Variants in DGCR2 observed in about 807,000 individuals in gnomAD.
DGCR2 encodes the protein DiGeorge syndrome critical region gene 2.
A neutral mutation model predicts 51.6 loss-of-function variants in DGCR2; 24 were observed. That is an observed-to-expected ratio of 0.47 (90% CI 0.34 to 0.65). DGCR2 has a LOEUF of 0.65. Ranked by LOEUF, DGCR2 falls within the 30% of genes least tolerant of loss-of-function variation. The pLI, the probability that DGCR2 is intolerant of heterozygous loss-of-function variation, is 0.01. For synonymous variants in DGCR2, 340 were observed against 315.4 expected, an observed-to-expected ratio of 1.08 and a Z score of -0.82; for missense variants, 765 against 772.1, an observed-to-expected ratio of 0.99 and a Z score of 0.11.
intron 2 of DGCR2, among the ~76,000 whole-genome samples, chr22:19,083,987 G>A (rs1163049688): frequency 1.3e-5 from 2 of 152,192 alleles, no homozygotes; most frequent in African/African-American, 2.4e-5. Context: ...CTCCCGAGGT[G>A]CCGGGATTGC....
chr22:19,038,534 T>C lies in DGCR2; in HGVS notation c.*331A>G. Reference sequence around the variant, plus strand: ...GTAAGCCCACCAAAAACGCATCAGGTGTGGCCATGGCCCACAGTACCTTCT... The same window carrying C: ...GTAAGCCCACCAAAAACGCATCAGGCGTGGCCATGGCCCACAGTACCTTCT... On this transcript the variant is annotated 3_prime_UTR_variant, in exon 10 of 10. Transcript: ENST00000263196. 1 of 338,042 alleles carries C rather than the reference T, an allele frequency of 3.0e-6. No homozygotes were observed. Among genetic ancestry groups the C allele is most frequent in the Non-Finnish European group, 5.5e-6 (1 of 183,316 alleles). The allele number at this position is 338,042 out of a possible 1,614,324, so 20.9% of individuals were successfully genotyped here.
chr22:19,079,975 G>A (rs994122879), intron 2 of DGCR2, among the ~76,000 whole-genome samples: 1 of 152,228 alleles, frequency 6.6e-6, no homozygotes, highest in Non-Finnish European at 1.5e-5. Flanking sequence ...GAGCCTAGTG[G>A]GCTAGACGCT....
chr22:19,106,541 C>T (rs2083262999), intron 1 of DGCR2, among the ~76,000 whole-genome samples: 1 of 152,184 alleles, frequency 6.6e-6, no homozygotes, highest in African/African-American at 2.4e-5. Context: ...GCCCAGAGGC[C>T]AGCCGGCTCC....
intron 2 of DGCR2, among the ~76,000 whole-genome samples, chr22:19,083,706 C>CCCGTCT (rs1555907888): frequency 9.4e-6 from 1 of 106,616 alleles, no homozygotes; most frequent in African/African-American, 4.3e-5. Flanking sequence ...CCTCCCCCTC[C>CCCGTCT]CCCTCTCCCT....
At chr22:19,121,761 G>T (rs763978951) in intron 1 of DGCR2, 3 of 169,694 alleles carry the variant, frequency 1.8e-5, no homozygotes, top group East Asian at 1.6e-4. Flanking sequence ...GCTGGCACTA[G>T]GCCACTGCTG....
chr22:19,060,050 C>A (rs572197905), intron 5 of DGCR2, among the ~76,000 whole-genome samples: 2 of 152,324 alleles, frequency 1.3e-5, no homozygotes, highest in East Asian at 1.9e-4. Flanking sequence ...AATGCCCCAC[C>A]ACGGTGGCAG....
At chr22:19,062,786 C>CTG (rs1569052871) in intron 5 of DGCR2, among the ~76,000 whole-genome samples, 4 of 141,864 alleles carry the variant, frequency 2.8e-5, no homozygotes, top group Admixed American at 1.4e-4. Flanking sequence ...CTCACTCTCT[C>CTG]TCTCTCTCTC....
At chr22:19,065,939 G>C (rs557919382) in intron 3 of DGCR2, 1 of 144,832 alleles carries the variant, frequency 6.9e-6, no homozygotes, top group Non-Finnish European at 1.5e-5. Context: ...GTATCCCCAT[G>C]TATTTATTAT....
intron 2 of DGCR2, among the ~76,000 whole-genome samples, chr22:19,082,212 CTAAT>C (rs1203791155): frequency 1.5e-5 from 2 of 136,504 alleles, no homozygotes; most frequent in Admixed American, 7.7e-5. Context: ...CCACATCTGG[CTAAT>C]TATTTCTTTT....
In DGCR2 at chr22:19,057,046, CGTG is replaced by C. The variant is rs1569047167; in HGVS notation, c.739_741del (p.His247del). 6.3e-7 allele frequency: 1 copy of C among 1,597,664 alleles called. No homozygotes were observed. Among genetic ancestry groups the C allele is most frequent in the South Asian group, 1.1e-5 (1 of 88,130 alleles). On this transcript the variant is annotated inframe_deletion, in exon 6 of 10. Transcript: ENST00000263196. The surrounding 1 kb of genome is among the most constrained non-coding windows in gnomAD (Gnocchi z 5.1). The stretch of plus-strand genomic sequence containing the variant: ...CTCTCGGCGTGCCAGCTGTGGAGGT[CGTG>C]GTGCCGCAGGGTGGGGAAATGGAAG...
chr22:19,111,212 G>A (rs2083310877), intron 1 of DGCR2, among the ~76,000 whole-genome samples: 1 of 152,142 alleles, frequency 6.6e-6, no homozygotes, highest in Non-Finnish European at 1.5e-5. Context: ...CACAGAGGGT[G>A]GTCACCAGCT....
chr22:19,108,193 CAGAA>C (rs1267398365), intron 1 of DGCR2, among the ~76,000 whole-genome samples: 2 of 152,088 alleles, frequency 1.3e-5, no homozygotes, highest in African/African-American at 4.8e-5. Flanking sequence ...TAGACAAAAA[CAGAA>C]AGCATGACCA....
chr22:19,079,481 T>C (rs1189886840), intron 2 of DGCR2, among the ~76,000 whole-genome samples: 2 of 152,226 alleles, frequency 1.3e-5, no homozygotes, highest in Non-Finnish European at 2.9e-5. Context: ...TGCTTATTAA[T>C]GTTTTCTATG....
At chr22:19,060,860 T>C (rs2082654176) in intron 5 of DGCR2, 4 of 516,060 alleles carry the variant, frequency 7.8e-6, no homozygotes, top group South Asian at 5.6e-5. Flanking sequence ...ACAGGAACCC[T>C]GCGGAAACGA....
At chr22:19,118,485 C>T (rs1165615927) in intron 1 of DGCR2, among the ~76,000 whole-genome samples, 1 of 151,762 alleles carries the variant, frequency 6.6e-6, no homozygotes. Flanking sequence ...CTACTGAAAG[C>T]AAAAGAGAAA....
chr22:19,107,313 G>A (rs1035975542), intron 1 of DGCR2, among the ~76,000 whole-genome samples: 2 of 152,190 alleles, frequency 1.3e-5, no homozygotes, highest in African/African-American at 2.4e-5. Flanking sequence ...GTTGCCAAGC[G>A]CTAGGGGAGT....
intron 5 of DGCR2, among the ~76,000 whole-genome samples, chr22:19,060,050 C>G (rs572197905): frequency 6.6e-6 from 1 of 152,206 alleles, no homozygotes; most frequent in Non-Finnish European, 1.5e-5. Context: ...AATGCCCCAC[C>G]ACGGTGGCAG....
chr22:19,088,039 T>C (rs770990603), intron 2 of DGCR2, among the ~76,000 whole-genome samples: 2 of 152,198 alleles, frequency 1.3e-5, no homozygotes, highest in Non-Finnish European at 2.9e-5. Flanking sequence ...CTGCTTCTTA[T>C]TTTGGAACCC....
chr22:19,109,835 T>C (rs2083296061), intron 1 of DGCR2, among the ~76,000 whole-genome samples: 1 of 152,128 alleles, frequency 6.6e-6, no homozygotes, highest in Non-Finnish European at 1.5e-5. Flanking sequence ...GAAAAGCACA[T>C]ATAAAATACG....
Sources: allele counts gnomAD v4.1 joint callset (sites outside exome capture counted in the v4.1 genomes callset), GRCh38; gene constraint gnomAD v4.1.1; non-coding constraint Gnocchi (gnomAD v3.1); transcripts MANE v1.5; gene names NCBI Gene and HGNC (gene_info 2026-07-23, HGNC 2026-07-21).